Variants in LDB2 observed in about 807,000 individuals in gnomAD.
LDB2 encodes LIM domain-binding protein 2.
A neutral mutation model predicts 44.3 loss-of-function variants in LDB2; 12 were observed. The ratio of observed to expected loss-of-function variants is 0.27; its 90% CI spans 0.17 to 0.44. The LOEUF is 0.44. LDB2 is among the 20% of genes least tolerant of loss of function. LDB2 has a pLI of 1.00. For missense variants in LDB2, 344 were observed against 473.5 expected (o/e 0.73, Z 2.54); for synonymous variants, 164 against 174.8 (o/e 0.94, Z 0.49).
intron 1 of LDB2, among the ~76,000 whole-genome samples, chr4:16,893,941 A>G (rs576216355): frequency 6.6e-6 from 1 of 152,296 alleles, no homozygotes; most frequent in South Asian, 2.1e-4. Flanking sequence ...ACTTTACTTG[A>G]TAAACTTTCT....
intron 2 of LDB2, among the ~76,000 whole-genome samples, chr4:16,738,989 T>G (rs1429429787): frequency 6.6e-6 from 1 of 152,152 alleles, no homozygotes. Context: ...TCAAAATCTT[T>G]GTGATAGAAG....
intron 5 of LDB2, among the ~76,000 whole-genome samples, chr4:16,524,542 G>A (rs572949695): frequency 6.6e-6 from 1 of 152,160 alleles, no homozygotes; most frequent in Admixed American, 6.5e-5. Flanking sequence ...ATGAGGGAGG[G>A]GCTGAGAGCC....
intron 1 of LDB2, among the ~76,000 whole-genome samples, chr4:16,807,315 C>A (rs541047491): frequency 1.3e-5 from 2 of 152,162 alleles, no homozygotes; most frequent in East Asian, 3.9e-4. Flanking sequence ...AGCCATATGG[C>A]CTTAATTAAT....
chr4:16,615,433 G>C (rs755540547), intron 2 of LDB2, among the ~76,000 whole-genome samples: 4 of 152,298 alleles, frequency 2.6e-5, no homozygotes, highest in South Asian at 2.1e-4. Flanking sequence ...CCATAAAAAA[G>C]AATGAGATCA....
intron 2 of LDB2, among the ~76,000 whole-genome samples, chr4:16,672,884 CCTT>C (rs373249977): frequency 0.011 from 1,622 of 143,224 alleles, 9 homozygotes; most frequent in Middle Eastern, 0.021. Context: ...TTCCTTCCTT[CCTT>C]TTTTTTCCTT....
chr4:16,875,692 G>A (rs1718159724), intron 1 of LDB2, among the ~76,000 whole-genome samples: 1 of 152,216 alleles, frequency 6.6e-6, no homozygotes, highest in Non-Finnish European at 1.5e-5. Context: ...CCCTCCACCA[G>A]AAGAGCTGCT....
intron 5 of LDB2, among the ~76,000 whole-genome samples, chr4:16,562,420 C>T (rs902124776): frequency 6.6e-6 from 1 of 152,208 alleles, no homozygotes; most frequent in Non-Finnish European, 1.5e-5. Context: ...TGAACAGACA[C>T]TTCTCAAAAG....
chr4:16,754,304 A>G (rs1276467604), intron 2 of LDB2, among the ~76,000 whole-genome samples: 1 of 152,190 alleles, frequency 6.6e-6, no homozygotes, highest in Non-Finnish European at 1.5e-5. Context: ...AAAAGGTCAT[A>G]TGGACTCCCA....
At chr4:16,880,741 A>G (rs947450231) in intron 1 of LDB2, among the ~76,000 whole-genome samples, 6 of 152,034 alleles carry the variant, frequency 3.9e-5, no homozygotes, top group African/African-American at 1.4e-4. Flanking sequence ...CGTCTCTACT[A>G]AAAATACAAA....
At chr4:16,794,340 T>C (rs1776325800) in intron 1 of LDB2, among the ~76,000 whole-genome samples, 1 of 152,194 alleles carries the variant, frequency 6.6e-6, no homozygotes, top group Non-Finnish European at 1.5e-5. Flanking sequence ...AACCATGTAA[T>C]GATATTAGGA....
At chr4:16,672,692 GATCT>G (rs1245857888) in intron 2 of LDB2, among the ~76,000 whole-genome samples, 1 of 151,872 alleles carries the variant, frequency 6.6e-6, no homozygotes, top group African/African-American at 2.4e-5. Flanking sequence ...AGGGCCTGCG[GATCT>G]CTAATTAAAC....
chr4:16,713,476 C>T (rs1187369615), intron 2 of LDB2, among the ~76,000 whole-genome samples: 1 of 151,814 alleles, frequency 6.6e-6, no homozygotes, highest in Non-Finnish European at 1.5e-5. Flanking sequence ...GGGTGGGTGG[C>T]CAAAAGGATT....
At chr4:16,641,421 A>C (rs537626432) in intron 2 of LDB2, among the ~76,000 whole-genome samples, 14 of 152,200 alleles carry the variant, frequency 9.2e-5, no homozygotes, top group Non-Finnish European at 1.6e-4. Flanking sequence ...GAGACTTGAG[A>C]GGTTTAATTG....
chr4:16,623,195 G>A (rs1291957064), intron 2 of LDB2, among the ~76,000 whole-genome samples: 1 of 152,098 alleles, frequency 6.6e-6, no homozygotes, highest in African/African-American at 2.4e-5. Context: ...CACATTGAGA[G>A]TAAGTAGAGA....
chr4:16,816,979 C>G (rs1482843281), intron 1 of LDB2, among the ~76,000 whole-genome samples: 1 of 152,040 alleles, frequency 6.6e-6, no homozygotes, highest in East Asian at 1.9e-4. Flanking sequence ...GTTCTTGCAC[C>G]CCCCACCCTG....
At chr4:16,595,449 G>A (rs763375414) in intron 3 of LDB2, among the ~76,000 whole-genome samples, 6 of 152,064 alleles carry the variant, frequency 3.9e-5, no homozygotes, top group Non-Finnish European at 7.4e-5. Flanking sequence ...AAAGGCACTA[G>A]AACCTCTCTT....
Position 16,595,826 on chromosome 4 carries a change from T to C in LDB2, c.285A>G (p.Gly95=). The part of the protein sequence containing the change: ...IPRYFSTVFE[G]GVTDLYYILK... ...GAATGTAATACAGGTCGGTCACCCC[T>C]CCTTCAAACACAGTGCTAAAGTAAC... The change falls in exon 3 of 8, where the codon GGA becomes GGG. Residue 95 remains glycine, a synonymous_variant. Coordinates refer to ENST00000304523, the MANE Select transcript of LDB2 (RefSeq NM_001290.5). The C allele has an allele frequency of 1.2e-6, 2 of 1,613,606 alleles. No homozygotes were observed. Among genetic ancestry groups the C allele is most frequent in the Non-Finnish European group, 1.7e-6 (2 of 1,179,788 alleles).
Position 16,739,616 on chromosome 4 carries a change from ATACATGTGTG to A in LDB2, c.235+19532_235+19541del, listed in dbSNP as rs1161452142. Among the ~76,000 whole-genome samples, 57 of 83,686 alleles carry A rather than the reference ATACATGTGTG, an allele frequency of 6.8e-4. 3 individuals are homozygous for A. The highest frequency in any genetic ancestry group is 2.4e-3 in the African/African-American group (48 of 20,266). The allele number at this position is 83,686 out of a possible 152,430, so 54.9% of individuals were successfully genotyped here. The stretch of plus-strand genomic sequence containing the variant: ...TATATATATATATATATATGTATAT[ATACATGTGTG>A]TGTATATATGTATATATACATATGT... On this transcript the variant is annotated intron_variant, in intron 2 of 7. Coordinates refer to ENST00000304523, the MANE Select transcript of LDB2 (RefSeq NM_001290.5).
chr4:16,769,938 C>A (rs1463419270), intron 1 of LDB2, among the ~76,000 whole-genome samples: 1 of 152,118 alleles, frequency 6.6e-6, no homozygotes, highest in Non-Finnish European at 1.5e-5. Flanking sequence ...AGACACAGCT[C>A]TTCAGTAGAA....
Sources: gnomAD v4.1 joint callset for allele counts (sites outside exome capture counted in the v4.1 genomes callset) on GRCh38, gnomAD v4.1.1 for gene constraint, MANE v1.5 for transcripts, NCBI Gene and HGNC (gene_info 2026-07-23, HGNC 2026-07-21) for gene names.